The following DACH1 variants were observed in gnomAD, a reference collection of about 807,000 sequenced individuals.
The protein encoded by DACH1 is dachshund family transcription factor 1, also known as dachshund homolog 1.
Under a neutral mutation model 54.2 loss-of-function variants are expected in DACH1, and 12 were observed. The observed-to-expected ratio is 0.22, with a 90% confidence interval of 0.14 to 0.36. DACH1 has a LOEUF of 0.36. Ranked by LOEUF, DACH1 falls within the 10% of genes least tolerant of loss-of-function variation. DACH1 has a pLI of 1.00. For synonymous variants in DACH1, 386 were observed against 366.2 expected, an observed-to-expected ratio of 1.05 and a Z score of -0.62; for missense variants, 805 against 929.8, an observed-to-expected ratio of 0.87 and a Z score of 1.75.
chr13:71,783,623 A>G (rs543046072), intron 1 of DACH1, among the ~76,000 whole-genome samples: 1 of 152,236 alleles, frequency 6.6e-6, no homozygotes, highest in South Asian at 2.1e-4. Flanking sequence ...TGCCTTTAGT[A>G]GGAAAGGCAG....
intron 1 of DACH1, among the ~76,000 whole-genome samples, chr13:71,806,400 A>T (rs1212424450): frequency 1.3e-5 from 2 of 152,190 alleles, no homozygotes; most frequent in Non-Finnish European, 2.9e-5. Flanking sequence ...GGAAAATGGA[A>T]CTTGTCACAA....
At chr13:71,548,464 T>C (rs1030016546) in intron 6 of DACH1, among the ~76,000 whole-genome samples, 4 of 152,224 alleles carry the variant, frequency 2.6e-5, no homozygotes, top group African/African-American at 9.6e-5. Flanking sequence ...ACAGTCATTT[T>C]TGTACATTTC....
intron 1 of DACH1, among the ~76,000 whole-genome samples, chr13:71,795,653 A>T (rs892197424): frequency 4.6e-5 from 7 of 152,216 alleles, no homozygotes; most frequent in Admixed American, 3.9e-4. Context: ...TGCTACTGAG[A>T]AAAAGCAAAC....
At chr13:71,517,354 T>C (rs1299630214) in intron 6 of DACH1, among the ~76,000 whole-genome samples, 1 of 151,890 alleles carries the variant, frequency 6.6e-6, no homozygotes, top group Admixed American at 6.6e-5. Flanking sequence ...AACTGCCACT[T>C]TTTGGCTTAA....
At chr13:71,757,732 A>G (rs1003973866) in intron 1 of DACH1, among the ~76,000 whole-genome samples, 1 of 152,208 alleles carries the variant, frequency 6.6e-6, no homozygotes, top group Non-Finnish European at 1.5e-5. Context: ...CATGTTGGCC[A>G]GGCTGATCTT....
chr13:71,852,560 G>A (rs1434837619), intron 1 of DACH1, among the ~76,000 whole-genome samples: 2 of 152,136 alleles, frequency 1.3e-5, no homozygotes, highest in African/African-American at 2.4e-5. Context: ...TTCAGAGGAA[G>A]TTTGCTTAAA....
intron 1 of DACH1, among the ~76,000 whole-genome samples, chr13:71,686,842 T>G (rs1881189389): frequency 6.6e-6 from 1 of 152,188 alleles, no homozygotes; most frequent in African/African-American, 2.4e-5. Context: ...AAAGAAAAGT[T>G]CCATTCAACC....
At chr13:71,530,007 G>A (rs1882304992) in intron 6 of DACH1, among the ~76,000 whole-genome samples, 1 of 152,152 alleles carries the variant, frequency 6.6e-6, no homozygotes, top group Non-Finnish European at 1.5e-5. Context: ...CATTATGTTG[G>A]CTTTTTCTCT....
chr13:71,856,247 T>C (rs574047168), intron 1 of DACH1, among the ~76,000 whole-genome samples: 11 of 151,958 alleles, frequency 7.2e-5, no homozygotes, highest in Non-Finnish European at 1.6e-4. Context: ...ATTCTATGGT[T>C]TCATAAAAGC....
chr13:71,519,907 A>ATATATATATATATATATATATC (rs1248149525), intron 6 of DACH1, among the ~76,000 whole-genome samples: 27 of 137,632 alleles, frequency 2.0e-4, no homozygotes, highest in Admixed American at 1.5e-3. Flanking sequence ...ATATATATAT[A>ATATATATATATATATATATATC]TCCTAACTAA....
intron 10 of DACH1, among the ~76,000 whole-genome samples, chr13:71,472,136 T>C (rs538909156): frequency 2.9e-4 from 44 of 152,322 alleles, no homozygotes; most frequent in African/African-American, 9.6e-4. Context: ...AAGAAGTTTT[T>C]TTAAAATTTT....
At chr13:71,801,959 T>C (rs1428954535) in intron 1 of DACH1, among the ~76,000 whole-genome samples, 1 of 152,126 alleles carries the variant, frequency 6.6e-6, no homozygotes, top group Non-Finnish European at 1.5e-5. Context: ...TGAATTCAAT[T>C]TGAGCGCACC....
chr13:71,810,236 C>T (rs1398393269), intron 1 of DACH1, among the ~76,000 whole-genome samples: 8 of 151,918 alleles, frequency 5.3e-5, no homozygotes, highest in Non-Finnish European at 1.0e-4. Context: ...AGAATTAATC[C>T]ATTTACAGCT....
chr13:71,487,595 T>G (rs1440391277), intron 7 of DACH1, among the ~76,000 whole-genome samples: 1 of 152,200 alleles, frequency 6.6e-6, no homozygotes, highest in Non-Finnish European at 1.5e-5. Context: ...GCTCTTCAGA[T>G]GAGCATGCTG....
intron 1 of DACH1, among the ~76,000 whole-genome samples, chr13:71,802,016 G>A (rs1887308793): frequency 6.6e-6 from 1 of 152,078 alleles, no homozygotes; most frequent in African/African-American, 2.4e-5. Flanking sequence ...CTCCATTATT[G>A]CTGAATCCCT....
At chr13:71,654,671 C>T (rs1442220515) in intron 2 of DACH1, among the ~76,000 whole-genome samples, 1 of 151,968 alleles carries the variant, frequency 6.6e-6, no homozygotes, top group African/African-American at 2.4e-5. Context: ...AATGTGTTGG[C>T]ACTTGAGTTT....
intron 3 of DACH1, among the ~76,000 whole-genome samples, chr13:71,604,534 C>T (rs1420265238): frequency 2.0e-5 from 3 of 151,848 alleles, no homozygotes; most frequent in African/African-American, 4.8e-5. Context: ...TGTTACTTTT[C>T]CAAGGTAGAA....
intron 10 of DACH1, among the ~76,000 whole-genome samples, chr13:71,460,256 C>T (rs1233059559): frequency 6.6e-6 from 1 of 151,982 alleles, no homozygotes; most frequent in African/African-American, 2.4e-5. Flanking sequence ...TATAAACATT[C>T]TAGAAAATTC....
chr13:71,773,762 C>A (rs931588824), intron 1 of DACH1, among the ~76,000 whole-genome samples: 27 of 151,920 alleles, frequency 1.8e-4, no homozygotes, highest in African/African-American at 6.5e-4. Flanking sequence ...AATATGTAAT[C>A]AAAGACAAAC....
Sources: gnomAD v4.1 joint callset for allele counts (sites outside exome capture counted in the v4.1 genomes callset) on GRCh38, gnomAD v4.1.1 for gene constraint, MANE v1.5 for transcripts, NCBI Gene and HGNC (gene_info 2026-07-23, HGNC 2026-07-21) for gene names.